Variants in FBXO9 observed in about 807,000 individuals in gnomAD.
The protein encoded by FBXO9 is F-box protein 9.
A neutral mutation model predicts 63.7 loss-of-function variants in FBXO9; 43 were observed. The observed-to-expected ratio is 0.67, with a 90% confidence interval of 0.53 to 0.87. The LOEUF (loss-of-function observed/expected upper bound fraction) is 0.87, where lower values mean the gene tolerates loss of function less well. Among genes scored for constraint, FBXO9 ranks in the 40% least tolerant of loss-of-function variants. The pLI is 0.00. For missense variants in FBXO9, 442 were observed against 533.2 expected (o/e 0.83, Z 1.68); for synonymous variants, 156 against 171.7 (o/e 0.91, Z 0.72).
At chr6:53,092,285 G>T in intron 7 of FBXO9, 144 bp from the exon 8 acceptor site, 1 of 619,448 alleles carries the variant, frequency 1.6e-6, no homozygotes, top group Non-Finnish European at 2.9e-6. Flanking sequence ...CAGGGCCTTT[G>T]CCTTGTCCAT....
At chr6:53,083,092 A>G (rs1581820114) in intron 7 of FBXO9, among the ~76,000 whole-genome samples, 1 of 152,230 alleles carries the variant, frequency 6.6e-6, no homozygotes, top group Non-Finnish European at 1.5e-5. Flanking sequence ...AGCCATGTGC[A>G]GAAGATGGAA....
At chr6:53,078,937 TGTTAAA>T (rs1562067086) in intron 5 of FBXO9, 39 bp downstream of exon 5, 1 of 1,492,506 alleles carries the variant, frequency 6.7e-7, no homozygotes, top group East Asian at 2.3e-5. Context: ...GCATAGAGTT[TGTTAAA>T]GTTAAGCATC....
intron 3 of FBXO9, among the ~76,000 whole-genome samples, chr6:53,074,459 C>T (rs537577925): frequency 4.2e-4 from 64 of 152,214 alleles, no homozygotes; most frequent in Non-Finnish European, 7.9e-4. Flanking sequence ...AGGAAATAGA[C>T]ATTGGAACAA....
At position 53,065,952 on chromosome 6, in the gene FBXO9, CGGGGGGCGGG is replaced by C. The variant is rs1768680477; in HGVS notation, c.3+164_3+173del. On this transcript the variant is annotated intron_variant, in intron 1 of 12. Transcript: ENST00000323557. ...GGCCCTGGCCTGAGAAGGAGTGCGT[CGGGGGGCGGG>C]GGGTGCCAACCCTGGCTTCTCCCCA... 2.6e-6 allele frequency: 3 copies of C among 1,145,844 alleles called. No homozygotes were observed. The African/African-American group carries it at 4.8e-5, about 18-fold the overall frequency. The allele number at this position is 1,145,844 out of a possible 1,614,324, so 71.0% of individuals were successfully genotyped here. A position where few individuals can be genotyped will look rare whatever the true frequency, so the allele number is the denominator to read the frequency against.
At chr6:53,097,170 G>C (rs1019938507) in intron 12 of FBXO9, among the ~76,000 whole-genome samples, 6 of 152,028 alleles carry the variant, frequency 3.9e-5, no homozygotes, top group Admixed American at 1.3e-4. Flanking sequence ...CTATAATTAT[G>C]CTGTTGATCA....
In FBXO9 at chr6:53,065,760, C is replaced by T. The variant is rs778569926; in HGVS notation, c.-30C>T. On this transcript the variant is annotated 5_prime_UTR_variant, in exon 1 of 13. Coordinates refer to ENST00000323557, the MANE Select transcript of FBXO9 (RefSeq NM_033480.3). Reference sequence around the variant, plus strand: ...GCGGTGCAGAGGGGGCACGGAGAGCCCCTCGAGCGCAGCAGGCCGCCCCGC... The same window carrying T: ...GCGGTGCAGAGGGGGCACGGAGAGCTCCTCGAGCGCAGCAGGCCGCCCCGC... 7.8e-6 allele frequency: 11 copies of T among 1,404,748 alleles called. No homozygotes were observed. The African/African-American group carries it at 1.7e-4, about 21-fold the overall frequency. The allele number at this position is 1,404,748 out of a possible 1,614,324, so 87.0% of individuals were successfully genotyped here.
intron 6 of FBXO9, among the ~76,000 whole-genome samples, chr6:53,081,944 C>G (rs1427714209): frequency 1.3e-5 from 2 of 152,100 alleles, no homozygotes; most frequent in African/African-American, 4.8e-5. Flanking sequence ...TGGCGCATGA[C>G]TGTAGTCCCA....
chr6:53,073,404 G>A (rs1768983663), intron 2 of FBXO9, 77 bp from the exon 3 acceptor site: 3 of 1,204,934 alleles, frequency 2.5e-6, no homozygotes, highest in African/African-American at 3.0e-5. Flanking sequence ...GTAGATAGAT[G>A]TTGGACATAT....
At chr6:53,085,974 A>G (rs1379941039) in intron 7 of FBXO9, among the ~76,000 whole-genome samples, 1 of 151,942 alleles carries the variant, frequency 6.6e-6, no homozygotes, top group Non-Finnish European at 1.5e-5. Context: ...ACATGGAGAA[A>G]CCCCGTCGCT....
intron 3 of FBXO9, among the ~76,000 whole-genome samples, chr6:53,075,962 T>G (rs1302411264): frequency 6.6e-6 from 1 of 151,892 alleles, no homozygotes; most frequent in Non-Finnish European, 1.5e-5. Flanking sequence ...CAGGCCAGTG[T>G]CGAACTCCTG....
chr6:53,080,730 A>G (rs898871630), intron 5 of FBXO9, among the ~76,000 whole-genome samples: 6 of 152,256 alleles, frequency 3.9e-5, no homozygotes, highest in African/African-American at 1.4e-4. Context: ...CAACACCTGT[A>G]TCCAAAAATT....
chr6:53,071,943 C>T (rs141566003), intron 2 of FBXO9, among the ~76,000 whole-genome samples: 39 of 152,264 alleles, frequency 2.6e-4, no homozygotes, highest in Admixed American at 9.8e-4. Context: ...AGTAATGATG[C>T]ATCCATACAG....
Position 53,095,603 on chromosome 6 carries a change from A to G in FBXO9, c.1144A>G (p.Ser382Gly). 1 of 1,613,730 alleles carries G rather than the reference A, an allele frequency of 6.2e-7. No homozygotes were observed. Among genetic ancestry groups the G allele is most frequent in the Non-Finnish European group, 8.5e-7 (1 of 1,179,776 alleles). ...SFHVGLQLCSSGHQRFNKLIW... is the reference protein window; with the variant it reads ...SFHVGLQLCSGGHQRFNKLIW... ...TCATGTGGGGCTACAGCTATGTTCC[A>G]GTGGTCACCAGAGGTTCAACAAACT... is the stretch of plus-strand genomic sequence containing the variant. Residue 382 changes from serine to glycine, a missense_variant, in exon 12 of 13, where the codon AGT (serine) becomes GGT (glycine). Around this residue, in one of 2 missense-constraint regions of FBXO9, gnomAD observed 262 missense variants for 362.1 expected, o/e 0.72. Transcript: ENST00000323557.
rs751091137 is a variant in FBXO9, at chr6:53,082,549, C to G, written c.584C>G (p.Ser195Cys). Residue 195 changes from serine (S) to cysteine (C), a missense_variant, in exon 7 of 13, where the codon TCT becomes TGT. By Grantham distance (112) the Ser-to-Cys change is moderately radical (BLOSUM62 -1). This residue lies in a region of FBXO9 where 262 missense variants were observed against 362.1 expected (regional missense o/e 0.72). Coordinates refer to ENST00000323557, the MANE Select transcript of FBXO9 (RefSeq NM_033480.3). Reference sequence around the variant, plus strand: ...ATGTACATCTTCCGATGGGTGGTGTCTAGTGACTTGGACCTCAGATCATTG... The same window carrying G: ...ATGTACATCTTCCGATGGGTGGTGTGTAGTGACTTGGACCTCAGATCATTG... ...VLMYIFRWVV[S>C]SDLDLRSLEQ... is the part of the protein sequence containing the mutation. 1 of 1,613,692 alleles carries G rather than the reference C, an allele frequency of 6.2e-7. No individual in the cohort carries two copies. The highest frequency in any genetic ancestry group is 1.3e-5 in the African/African-American group (1 of 74,912).
chr6:53,093,829 A>G, intron 10 of FBXO9, 56 bp from the exon 11 acceptor site: 4 of 1,322,530 alleles, frequency 3.0e-6, no homozygotes, highest in African/African-American at 1.5e-5. Flanking sequence ...TACTTCTTAG[A>G]TTACTTAAAT....
intron 7 of FBXO9, among the ~76,000 whole-genome samples, chr6:53,089,310 C>T (rs979952958): frequency 4.6e-5 from 7 of 152,066 alleles, no homozygotes; most frequent in South Asian, 4.2e-4. Context: ...CTCCTGACCT[C>T]GTGATCCGCC....
intron 3 of FBXO9, 29 bp downstream of exon 3, chr6:53,073,668 A>T (rs1371473007): frequency 2.9e-6 from 4 of 1,363,562 alleles, no homozygotes. Context: ...GTAACAAATT[A>T]CATTTTTTTT....
At position 53,077,472 on chromosome 6, in the gene FBXO9, C is replaced by CA. The variant is rs1173539613; in HGVS notation, c.307+957dup. Reference sequence around the variant, plus strand: ...TGGGCGACAGAGCGAGACTCCGTCTCAAAAAAAAAAAAAAAAAAAAAAAAA... The same window carrying CA: ...TGGGCGACAGAGCGAGACTCCGTCTCAAAAAAAAAAAAAAAAAAAAAAAAAA... On this transcript the variant is annotated intron_variant, in intron 4 of 12. Transcript: ENST00000323557. Among the ~76,000 whole-genome samples the CA allele has an allele frequency of 4.1e-3, 291 of 70,468 alleles. 16 individuals are homozygous for CA. The highest frequency in any genetic ancestry group is 5.4e-3 in the Non-Finnish European group (219 of 40,774). The allele number at this position is 70,468 out of a possible 152,430, so 46.2% of individuals were successfully genotyped here.
intron 3 of FBXO9, among the ~76,000 whole-genome samples, chr6:53,076,045 G>C (rs1418185528): frequency 2.6e-5 from 4 of 152,036 alleles, no homozygotes; most frequent in Non-Finnish European, 4.4e-5. Context: ...CGCCCAGCCA[G>C]ATGCTAATAT....
Sources: gnomAD v4.1 joint callset for allele counts (sites outside exome capture counted in the v4.1 genomes callset) on GRCh38, gnomAD v4.1.1 for gene constraint, gnomAD v4.1.1 regional missense constraint, MANE v1.5 for transcripts, NCBI Gene and HGNC (gene_info 2026-07-23, HGNC 2026-07-21) for gene names.